The following TRAPPC8 variants were observed in gnomAD, a reference collection of about 807,000 sequenced individuals.
TRAPPC8 encodes the protein trafficking protein particle complex subunit 8.
TRAPPC8 carries 54 observed loss-of-function variants against 174.3 expected under a neutral mutation model. That is an observed-to-expected ratio of 0.31 (90% CI 0.25 to 0.39). The LOEUF (loss-of-function observed/expected upper bound fraction) is 0.39, where lower values mean the gene tolerates loss of function less well. TRAPPC8 is among the 10% of genes least tolerant of loss of function. The pLI is 1.00. For synonymous variants in TRAPPC8, 630 were observed against 579.9 expected, an observed-to-expected ratio of 1.09 and a Z score of -1.24; for missense variants, 1,531 against 1,699.1, an observed-to-expected ratio of 0.90 and a Z score of 1.74.
intron 14 of TRAPPC8, 91 bp from the exon 15 acceptor site, chr18:31,871,211 T>C (rs8084584): frequency 1.7e-4 from 104 of 610,790 alleles, no homozygotes; most frequent in South Asian, 3.2e-4. Flanking sequence ...AATAAAAAAA[T>C]ATATATATAT....
intron 12 of TRAPPC8, 83 bp downstream of exon 12, chr18:31,890,652 C>T: frequency 2.7e-6 from 4 of 1,488,522 alleles, no homozygotes; most frequent in Non-Finnish European, 3.6e-6. Flanking sequence ...TTTTTAAGAT[C>T]CTTTTTAAAT....
At position 31,908,893 on chromosome 18, in the gene TRAPPC8, T is replaced by G; in HGVS notation, c.983A>C (p.Lys328Thr). 1.2e-6 allele frequency: 2 copies of G among 1,613,894 alleles called. No homozygotes were observed. The highest frequency in any genetic ancestry group is 3.3e-5 in the Admixed American group (2 of 60,006). Residue 328 changes from lysine (K) to threonine (T), a missense_variant, in exon 7 of 29, where the codon AAG (lysine) becomes ACG (threonine). Transcript: ENST00000283351. ...LRSASSLHET[K>T]KGNTGIIHGA... The stretch of plus-strand genomic sequence containing the variant: ...ATGAATTATTCCAGTATTTCCTTTC[T>G]TTGTTTCATGTAACGATGAAGCAGA...
rs201471974 is a variant in TRAPPC8 at position 31,909,742 on chromosome 18, G to T, written c.790C>A (p.Pro264Thr). The T allele has an allele frequency of 3.1e-6, 5 of 1,590,694 alleles. No individual in the cohort carries two copies. Among genetic ancestry groups the T allele is most frequent in the Non-Finnish European group, 8.5e-7 (1 of 1,171,656 alleles). ...IQNQESYEDG[P>T]CTITSNKNSD... ...TTCTTATTTGAAGTTATAGTACAAG[G>T]GCCATCTTCATATGATTCCTATCAA... The change falls in exon 6 of 29, where the codon CCT (proline) becomes ACT (threonine). Residue 264 changes from proline (P) to threonine (T), a missense_variant. Physicochemically the swap from Pro to Thr is conservative, Grantham distance 38. Transcript: ENST00000283351.
At chr18:31,838,916 C>T (rs1301201736) in intron 27 of TRAPPC8, among the ~76,000 whole-genome samples, 1 of 152,132 alleles carries the variant, frequency 6.6e-6, no homozygotes, top group Non-Finnish European at 1.5e-5. Flanking sequence ...CATCCTATCC[C>T]CATCCCCATC....
intron 2 of TRAPPC8, among the ~76,000 whole-genome samples, chr18:31,922,894 G>A (rs141965185): frequency 4.1e-4 from 62 of 152,228 alleles, no homozygotes; most frequent in Middle Eastern, 6.8e-3. Flanking sequence ...GCCCACACCT[G>A]TAGTCCCCGC....
intron 27 of TRAPPC8, chr18:31,832,637 T>C (rs1322449512): frequency 6.6e-6 from 1 of 152,220 alleles, no homozygotes; most frequent in Non-Finnish European, 1.5e-5. Context: ...TTTTGAAGAA[T>C]ATAAGAATGA....
chr18:31,873,765 T>C, intron 13 of TRAPPC8: 1 of 387,184 alleles, frequency 2.6e-6, no homozygotes, highest in South Asian at 4.2e-5. Flanking sequence ...CTCAGCTAAT[T>C]ACCTGGATGT....
chr18:31,867,451 C>T lies in TRAPPC8; in HGVS notation c.2414G>A (p.Gly805Glu). 6.2e-7 allele frequency: 1 copy of T among 1,607,918 alleles called. No individual in the cohort carries two copies. The highest frequency in any genetic ancestry group is 8.5e-7 in the Non-Finnish European group (1 of 1,175,976). The change falls in exon 17 of 29, where the codon GGA becomes GAA. Residue 805 changes from glycine to glutamate, a missense_variant. Transcript: ENST00000283351. ...QLVTSEPEMI[G>E]AEVISEFLIN... ...TAAGAACTCTGAAATAACTTCAGCT[C>T]CAATCATTTCAGGTTCACTTGTAAC...
chr18:31,850,568 C>A (rs552255523), intron 24 of TRAPPC8, among the ~76,000 whole-genome samples: 6 of 152,226 alleles, frequency 3.9e-5, no homozygotes, highest in African/African-American at 1.4e-4. Flanking sequence ...TATTATGCCA[C>A]ATAATAACAT....
chr18:31,889,896 T>C (rs750229450), intron 12 of TRAPPC8, among the ~76,000 whole-genome samples: 3 of 152,318 alleles, frequency 2.0e-5, no homozygotes, highest in East Asian at 1.9e-4. Flanking sequence ...ATAATGTACA[T>C]TGTGTAAAAC....
At chr18:31,942,455 C>G in intron 1 of TRAPPC8, 153 bp downstream of exon 1, 1 of 1,022,904 alleles carries the variant, frequency 9.8e-7, no homozygotes. Flanking sequence ...CTCCTCCAGC[C>G]GCCCCCGGAG....
chr18:31,897,850 T>C lies in TRAPPC8; in HGVS notation c.1532A>G (p.Glu511Gly). 1 of 1,611,652 alleles carries C rather than the reference T, an allele frequency of 6.2e-7. No homozygotes were observed. Among genetic ancestry groups the C allele is most frequent in the South Asian group, 1.1e-5 (1 of 90,684 alleles). Residue 511 changes from glutamate (E) to glycine (G), a missense_variant, in exon 11 of 29, where the codon GAA becomes GGA. By Grantham distance (98) the Glu-to-Gly change is moderately conservative. Transcript: ENST00000283351. ...LAERCVLLSA[E>G]LLKSQSKYSE... ...ATATTTGCTTTGGCTTTTTAAAAGT[T>C]CAGCACTAAGCAACACACATCTTTC...
At chr18:31,874,235 T>G (rs2035030503) in intron 13 of TRAPPC8, 1 of 477,766 alleles carries the variant, frequency 2.1e-6, no homozygotes, top group Non-Finnish European at 3.6e-6. Context: ...CTTTTTTTTT[T>G]TTAAGATTCT....
intron 20 of TRAPPC8, among the ~76,000 whole-genome samples, 167 bp downstream of exon 20, chr18:31,857,373 T>C (rs2145101512): frequency 6.6e-6 from 1 of 152,328 alleles, no homozygotes; most frequent in Middle Eastern, 3.4e-3. Context: ...CATTTTTGGG[T>C]ACCTAGAACT....
At position 31,867,465 on chromosome 18, in the gene TRAPPC8, T is replaced by G; in HGVS notation, c.2400A>C (p.Glu800Asp). 2 of 1,605,054 alleles carry G rather than the reference T, an allele frequency of 1.2e-6. No homozygotes were observed. Among genetic ancestry groups the G allele is most frequent in the Non-Finnish European group, 1.7e-6 (2 of 1,173,826 alleles). ...NEEVKQLVTSEPEMIGAEVIS... is the reference protein window; with the variant it reads ...NEEVKQLVTSDPEMIGAEVIS... ...TAACTTCAGCTCCAATCATTTCAGG[T>G]TCACTTGTAACCTAAAAAATAAATT... The change falls in exon 17 of 29, where the codon GAA (glutamate) becomes GAC (aspartate). Residue 800 changes from glutamate (E) to aspartate (D), a missense_variant. Transcript: ENST00000283351.
At chr18:31,836,966 G>A (rs564003646) in intron 27 of TRAPPC8, among the ~76,000 whole-genome samples, 1 of 151,972 alleles carries the variant, frequency 6.6e-6, no homozygotes, top group Non-Finnish European at 1.5e-5. Context: ...GTTTCACCGT[G>A]TTAGCCAGGA....
At chr18:31,861,404 A>G (rs528517125) in intron 19 of TRAPPC8, among the ~76,000 whole-genome samples, 1 of 152,322 alleles carries the variant, frequency 6.6e-6, no homozygotes, top group South Asian at 2.1e-4. Flanking sequence ...GTAAATATAA[A>G]GACTGTTAAG....
At chr18:31,929,791 T>A (rs2037773195) in intron 2 of TRAPPC8, among the ~76,000 whole-genome samples, 1 of 152,228 alleles carries the variant, frequency 6.6e-6, no homozygotes, top group Non-Finnish European at 1.5e-5. Context: ...CCCTTCACAC[T>A]ACAACACTGA....
intron 21 of TRAPPC8, among the ~76,000 whole-genome samples, chr18:31,854,582 T>G (rs1424454358): frequency 6.6e-6 from 1 of 152,060 alleles, no homozygotes; most frequent in Non-Finnish European, 1.5e-5. Flanking sequence ...CATTACAGAA[T>G]TAAGTAACAT....
Sources: gnomAD v4.1 joint callset for allele counts (sites outside exome capture counted in the v4.1 genomes callset) on GRCh38, gnomAD v4.1.1 for gene constraint, MANE v1.5 for transcripts, NCBI Gene and HGNC (gene_info 2026-07-23, HGNC 2026-07-21) for gene names.